Variants in CCNJL observed in about 807,000 individuals in gnomAD.
The protein encoded by CCNJL is cyclin J like.
Under a neutral mutation model 33.4 loss-of-function variants are expected in CCNJL, and 33 were observed. That is an observed-to-expected ratio of 0.99 (90% CI 0.75 to 1.32). The LOEUF (loss-of-function observed/expected upper bound fraction) is 1.32, where lower values mean the gene tolerates loss of function less well. CCNJL is among the 40% of genes most tolerant of loss of function. The pLI, the probability that CCNJL is intolerant of heterozygous loss-of-function variation, is 0.00. For synonymous variants in CCNJL, 227 were observed against 220.9 expected, an observed-to-expected ratio of 1.03 and a Z score of -0.24; for missense variants, 512 against 499.7, an observed-to-expected ratio of 1.02 and a Z score of -0.23.
At chr5:160,270,929 C>G (rs1761811905) in intron 3 of CCNJL, among the ~76,000 whole-genome samples, 1 of 152,152 alleles carries the variant, frequency 6.6e-6, no homozygotes, top group African/African-American at 2.4e-5. Context: ...CAAGTACCTA[C>G]AAGTCGGGAG....
At chr5:160,298,567 T>C (rs1581001118) in intron 2 of CCNJL, among the ~76,000 whole-genome samples, 1 of 152,114 alleles carries the variant, frequency 6.6e-6, no homozygotes, top group Non-Finnish European at 1.5e-5. Context: ...CTACAACAAA[T>C]AATTGCAGAA....
intron 2 of CCNJL, among the ~76,000 whole-genome samples, chr5:160,306,455 C>T (rs1271349526): frequency 6.6e-6 from 1 of 152,090 alleles, no homozygotes; most frequent in Non-Finnish European, 1.5e-5. Flanking sequence ...AGAAGGTAAA[C>T]ACCCAGTGGA....
intron 2 of CCNJL, among the ~76,000 whole-genome samples, chr5:160,302,091 C>T (rs1259685804): frequency 6.6e-6 from 1 of 152,162 alleles, no homozygotes; most frequent in East Asian, 1.9e-4. Flanking sequence ...TCACTGTACA[C>T]TATAAACGGT....
chr5:160,300,248 G>A (rs576248383), intron 2 of CCNJL, among the ~76,000 whole-genome samples: 2 of 152,272 alleles, frequency 1.3e-5, no homozygotes, highest in Non-Finnish European at 2.9e-5. Context: ...GTTACCAGGG[G>A]CAGCACACAC....
chr5:160,333,391 T>C (rs1208699189), intron 1 of CCNJL, among the ~76,000 whole-genome samples: 1 of 152,094 alleles, frequency 6.6e-6, no homozygotes, highest in East Asian at 1.9e-4. Context: ...CCCAAAGTGC[T>C]GGGATTACAG....
chr5:160,316,316 G>A (rs2113468259), upstream of CCNJL, among the ~76,000 whole-genome samples: 1 of 152,202 alleles, frequency 6.6e-6, no homozygotes, highest in South Asian at 2.1e-4. Context: ...CTTACCATGA[G>A]TCAGTTACCA....
intron 1 of CCNJL, among the ~76,000 whole-genome samples, chr5:160,328,848 C>A (rs1249863231): frequency 6.6e-6 from 1 of 151,458 alleles, no homozygotes; most frequent in African/African-American, 2.4e-5. Context: ...CCACTGCACT[C>A]CAGCCTGGGC....
intron 2 of CCNJL, among the ~76,000 whole-genome samples, chr5:160,305,717 G>A (rs950693909): frequency 1.2e-4 from 19 of 152,238 alleles, no homozygotes; most frequent in African/African-American, 3.6e-4. Flanking sequence ...TACAATCCGC[G>A]GTTTCATCTC....
intron 1 of CCNJL, among the ~76,000 whole-genome samples, chr5:160,328,474 G>A (rs543652763): frequency 3.5e-4 from 53 of 151,990 alleles, no homozygotes; most frequent in African/African-American, 1.2e-3. Context: ...GAATAATGGC[G>A]GACTGGGCAT....
chr5:160,268,688 A>G (rs1252084157), intron 3 of CCNJL, among the ~76,000 whole-genome samples: 1 of 152,194 alleles, frequency 6.6e-6, no homozygotes, highest in Admixed American at 6.5e-5. Flanking sequence ...CCTCCCCTTA[A>G]GTCCCCTTAA....
At chr5:160,339,392 C>G (rs994309150) in intron 1 of CCNJL, 1 of 386,520 alleles carries the variant, frequency 2.6e-6, no homozygotes, top group Non-Finnish European at 5.1e-6. Flanking sequence ...CGCCAAAACC[C>G]CAAAACACAT....
At chr5:160,296,278 T>C (rs1862436) in intron 2 of CCNJL, among the ~76,000 whole-genome samples, 21,061 of 152,198 alleles carry the variant, frequency 0.14, 1,487 homozygotes, top group African/African-American at 0.17. Flanking sequence ...TGAACATCAA[T>C]TCCCTTCACT....
At chr5:160,272,799 T>TTACC (rs1463823959) in intron 3 of CCNJL, among the ~76,000 whole-genome samples, 1 of 152,198 alleles carries the variant, frequency 6.6e-6, no homozygotes, top group East Asian at 1.9e-4. Flanking sequence ...ATCTTCAGTG[T>TTACC]TACCTACCTG....
At chr5:160,323,544 C>T (rs1038776069) in intron 1 of CCNJL, among the ~76,000 whole-genome samples, 1 of 152,238 alleles carries the variant, frequency 6.6e-6, no homozygotes, top group African/African-American at 2.4e-5. Flanking sequence ...GTAAACAACA[C>T]TGAGATGAAA....
chr5:160,284,911 T>C (rs910516635), intron 2 of CCNJL, among the ~76,000 whole-genome samples: 2 of 152,170 alleles, frequency 1.3e-5, no homozygotes, highest in Non-Finnish European at 2.9e-5. Flanking sequence ...AGAAAACTTT[T>C]TTATTTTTAT....
chr5:160,253,702 G>C lies in CCNJL; in HGVS notation c.840C>G (p.Phe280Leu). 9 of 1,604,312 alleles carry C rather than the reference G, an allele frequency of 5.6e-6. No homozygotes were observed. The highest frequency in any genetic ancestry group is 1.7e-5 in the Admixed American group (1 of 59,542). ...CGAGGGCCGGGTAGGCTGGTGGCTGGAACAGCACTTGAGTGGGGGTGGGGG... is the reference window on the plus strand; with the variant it reads ...CGAGGGCCGGGTAGGCTGGTGGCTGCAACAGCACTTGAGTGGGGGTGGGGG... ...GTPPTPTQVL[F>L]QPPAYPALGQ... Residue 280 changes from phenylalanine to leucine, a missense_variant, in exon 6 of 6, where the codon TTC (phenylalanine) becomes TTG (leucine). Transcript: ENST00000257536.
At chr5:160,287,631 T>C (rs1234778428) in intron 2 of CCNJL, among the ~76,000 whole-genome samples, 1 of 152,222 alleles carries the variant, frequency 6.6e-6, no homozygotes, top group African/African-American at 2.4e-5. Context: ...CTAAGTCCAC[T>C]TGAAGGCCGC....
chr5:160,257,848 A>ATTT (rs759060228), intron 4 of CCNJL, among the ~76,000 whole-genome samples: 3 of 141,190 alleles, frequency 2.1e-5, no homozygotes, highest in Admixed American at 7.2e-5. Context: ...ACAATCACTG[A>ATTT]TTTTTTTTTT....
At chr5:160,328,095 G>T (rs781537406) in intron 1 of CCNJL, among the ~76,000 whole-genome samples, 5 of 152,186 alleles carry the variant, frequency 3.3e-5, no homozygotes, top group Non-Finnish European at 7.3e-5. Context: ...AGTGCGCGTG[G>T]CATGTTAAAG....
Sources: allele counts gnomAD v4.1 joint callset (sites outside exome capture counted in the v4.1 genomes callset), GRCh38; gene constraint gnomAD v4.1.1; transcripts MANE v1.5; gene names NCBI Gene and HGNC (gene_info 2026-07-23, HGNC 2026-07-21).